The following CLASP1 variants were observed in gnomAD, a reference collection of about 807,000 sequenced individuals.
The protein encoded by CLASP1 is CLIP-associating protein 1.
A neutral mutation model predicts 192.3 loss-of-function variants in CLASP1; 38 were observed. That is an observed-to-expected ratio of 0.20 (90% confidence interval 0.15 to 0.26). The LOEUF (loss-of-function observed/expected upper bound fraction) is 0.26. Ranked by LOEUF, CLASP1 falls within the 10% of genes least tolerant of loss-of-function variation. The pLI is 1.00. For synonymous variants in CLASP1, 691 were observed against 712.8 expected, an observed-to-expected ratio of 0.97 and a Z score of 0.49; for missense variants, 1,433 against 1,932.5, an observed-to-expected ratio of 0.74 and a Z score of 4.85.
At chr2:121,451,716 C>G (rs1480973442) in intron 15 of CLASP1, 74 bp downstream of exon 15, 3 of 1,180,474 alleles carry the variant, frequency 2.5e-6, no homozygotes, top group Admixed American at 2.2e-5. Context: ...AGAAAGCCAG[C>G]TGGACCACTC....
chr2:121,587,183 G>A (rs1454640263), intron 2 of CLASP1, among the ~76,000 whole-genome samples: 1 of 152,142 alleles, frequency 6.6e-6, no homozygotes, highest in African/African-American at 2.4e-5. Context: ...GGAGGTTGCA[G>A]TGAGCTGAGA....
At chr2:121,534,012 A>G (rs1008121496) in intron 2 of CLASP1, among the ~76,000 whole-genome samples, 1 of 152,250 alleles carries the variant, frequency 6.6e-6, no homozygotes, top group African/African-American at 2.4e-5. Context: ...GCCGAGCACA[A>G]CTAAAAAATG....
intron 1 of CLASP1, among the ~76,000 whole-genome samples, chr2:121,620,850 T>C (rs2067219574): frequency 6.6e-6 from 1 of 152,244 alleles, no homozygotes; most frequent in Admixed American, 6.5e-5. Context: ...TTCATTTTCT[T>C]GATGGTGCCA....
intron 2 of CLASP1, among the ~76,000 whole-genome samples, chr2:121,554,916 A>G (rs943093471): frequency 2.0e-5 from 3 of 152,208 alleles, no homozygotes; most frequent in African/African-American, 7.2e-5. Flanking sequence ...AAAATCTGTT[A>G]GTAGGCTTAA....
intron 24 of CLASP1, among the ~76,000 whole-genome samples, chr2:121,409,563 C>T (rs1331212951): frequency 2.6e-5 from 4 of 152,290 alleles, no homozygotes; most frequent in East Asian, 1.9e-4. Context: ...AGTCCTATTC[C>T]GCCTCCTAGA....
At chr2:121,404,511 G>A (rs1233355350) in intron 25 of CLASP1, 77 bp from the exon 27 acceptor site, 2 of 1,291,502 alleles carry the variant, frequency 1.5e-6, no homozygotes, top group Admixed American at 2.0e-5. Context: ...CTATTACCCA[G>A]GCTAGAGTGC....
At chr2:121,469,849 G>A (rs371848173) in exon 9 of CLASP1, 8 of 1,613,624 alleles carry the variant, frequency 5.0e-6, no homozygotes, top group South Asian at 1.1e-5. Context: ...AAGCCGGCGG[G>A]TGGTTCCCAT....
chr2:121,646,375 T>C (rs1177013842), intron 1 of CLASP1, among the ~76,000 whole-genome samples: 1 of 152,212 alleles, frequency 6.6e-6, no homozygotes, highest in Non-Finnish European at 1.5e-5. Flanking sequence ...CCCAAAATGC[T>C]AGCATTACAG....
intron 37 of CLASP1, among the ~76,000 whole-genome samples, chr2:121,358,760 C>G (rs919213656): frequency 1.3e-5 from 2 of 152,208 alleles, no homozygotes; most frequent in Non-Finnish European, 2.9e-5. Flanking sequence ...AGACATACTA[C>G]TGGTGGTTTT....
intron 8 of CLASP1, among the ~76,000 whole-genome samples, chr2:121,500,266 A>G (rs192438038): frequency 4.6e-5 from 7 of 151,630 alleles, no homozygotes; most frequent in East Asian, 1.9e-4. Context: ...AAAAAACACG[A>G]AGGAGGAGGA....
In CLASP1 at chr2:121,465,589, T is replaced by C. The variant is rs904667549; in HGVS notation, c.866-2984A>G. Reference sequence around the variant, plus strand: ...AGAATCAATATTGTGAAAATGGCCATACTGCCCAAGGTAATTTATAGATTC... The same window carrying C: ...AGAATCAATATTGTGAAAATGGCCACACTGCCCAAGGTAATTTATAGATTC... On this transcript the variant is annotated intron_variant, in intron 9 of 39. Transcript: ENST00000263710. Among the ~76,000 whole-genome samples, 170 of 152,248 alleles carry C rather than the reference T, an allele frequency of 1.1e-3. 3 individuals are homozygous for C. Among genetic ancestry groups the C allele is most frequent in the Admixed American group, 0.011 (170 of 15,286 alleles).
chr2:121,486,180 A>C (rs896802911), intron 8 of CLASP1, among the ~76,000 whole-genome samples: 1 of 152,340 alleles, frequency 6.6e-6, no homozygotes, highest in Non-Finnish European at 1.5e-5. Context: ...CTTCCTGGTA[A>C]TAGGTTAGAG....
chr2:121,404,954 C>T (rs1023245390), intron 25 of CLASP1, among the ~76,000 whole-genome samples: 1 of 152,144 alleles, frequency 6.6e-6, no homozygotes, highest in Admixed American at 6.5e-5. Flanking sequence ...AGGGAAAAAA[C>T]AAAACAGCAT....
chr2:121,380,819 T>G (rs966151102), intron 33 of CLASP1, among the ~76,000 whole-genome samples: 4 of 152,272 alleles, frequency 2.6e-5, no homozygotes, highest in South Asian at 2.1e-4. Context: ...TTATAAGTAT[T>G]CAGTAAGCAT....
rs1574985205 is a variant in CLASP1, at chr2:121,451,732, A to G, written c.1445+58T>C. On this transcript the variant is annotated intron_variant, in intron 15 of 39. Transcript: ENST00000263710. Reference sequence around the variant, plus strand: ...GAAAGCCAGCTGGACCACTCACCAAAGCATTCACTCTAAAGGCTCAATTCA... The same window carrying G: ...GAAAGCCAGCTGGACCACTCACCAAGGCATTCACTCTAAAGGCTCAATTCA... The G allele has an allele frequency of 4.4e-6, 6 of 1,363,170 alleles. No homozygotes were observed. The African/African-American group carries it at 7.2e-5, about 16-fold the overall frequency. The allele number at this position is 1,363,170 out of a possible 1,614,324, so 84.4% of individuals were successfully genotyped here.
chr2:121,646,027 A>G (rs1295601680), intron 1 of CLASP1, among the ~76,000 whole-genome samples: 1 of 152,244 alleles, frequency 6.6e-6, no homozygotes, highest in African/African-American at 2.4e-5. Context: ...TCATTTTTTA[A>G]GATTACATCT....
intron 1 of CLASP1, among the ~76,000 whole-genome samples, chr2:121,611,842 G>T (rs575401801): frequency 6.6e-6 from 1 of 151,036 alleles, no homozygotes; most frequent in Non-Finnish European, 1.5e-5. Flanking sequence ...ACTGGAGGAG[G>T]AGGCATTGGA....
intron 2 of CLASP1, among the ~76,000 whole-genome samples, chr2:121,576,158 G>A (rs2060498881): frequency 6.6e-6 from 1 of 152,164 alleles, no homozygotes; most frequent in Non-Finnish European, 1.5e-5. Flanking sequence ...ACAACTATGT[G>A]CCCAGGCACT....
intron 22 of CLASP1, among the ~76,000 whole-genome samples, chr2:121,419,286 C>T (rs2079101843): frequency 6.6e-6 from 1 of 152,178 alleles, no homozygotes. Context: ...TTGACACAAC[C>T]AGAGAGAGAG....
Sources: allele counts gnomAD v4.1 joint callset (sites outside exome capture counted in the v4.1 genomes callset), GRCh38; gene constraint gnomAD v4.1.1; transcripts MANE v1.5; gene names NCBI Gene and HGNC (gene_info 2026-07-23, HGNC 2026-07-21).